The following ASIC2 variants were observed in gnomAD, a reference collection of about 807,000 sequenced individuals.
ASIC2 encodes acid sensing ion channel subunit 2, also known as acid-sensing ion channel 2.
Under a neutral mutation model 57.3 loss-of-function variants are expected in ASIC2, and 25 were observed. The observed-to-expected ratio is 0.44, with a 90% CI of 0.32 to 0.61. The LOEUF (loss-of-function observed/expected upper bound fraction) is 0.61. Among genes scored for constraint, ASIC2 ranks in the 20% least tolerant of loss-of-function variants. The probability of loss-of-function intolerance (pLI) is 0.06; values close to 1 mark genes in which losing one functional copy is unlikely to be tolerated. For synonymous variants in ASIC2, 319 were observed against 307.5 expected (o/e 1.04, Z -0.39); for missense variants, 641 against 738.1 (o/e 0.87, Z 1.52).
chr17:33,094,899 G>A (rs973885939), intron 2 of ASIC2, among the ~76,000 whole-genome samples: 7 of 152,218 alleles, frequency 4.6e-5, no homozygotes, highest in African/African-American at 1.7e-4. Flanking sequence ...GAACCAGAGA[G>A]AGCCTAGACA....
chr17:34,091,300 T>C (rs1306155705), intron 1 of ASIC2, among the ~76,000 whole-genome samples: 1 of 152,204 alleles, frequency 6.6e-6, no homozygotes, highest in Admixed American at 6.5e-5. Context: ...GATAACCACA[T>C]CCAGGAGGGA....
chr17:34,117,090 C>CA (rs1399235492), intron 1 of ASIC2, among the ~76,000 whole-genome samples: 1 of 151,704 alleles, frequency 6.6e-6, no homozygotes, highest in African/African-American at 2.4e-5. Flanking sequence ...AGGTTACTGT[C>CA]AGACTCCACT....
chr17:34,090,719 G>T (rs1910302288), intron 1 of ASIC2, among the ~76,000 whole-genome samples: 1 of 152,144 alleles, frequency 6.6e-6, no homozygotes, highest in Non-Finnish European at 1.5e-5. Context: ...TCAGTAATGG[G>T]CCACTCCCCA....
intron 1 of ASIC2, among the ~76,000 whole-genome samples, chr17:33,179,002 A>G (rs1275155973): frequency 6.6e-6 from 1 of 152,192 alleles, no homozygotes; most frequent in Non-Finnish European, 1.5e-5. Context: ...AGTGCATGAG[A>G]AATGGAAGCT....
At chr17:33,379,477 AGCTCCTGG>A (rs1909400299) in intron 1 of ASIC2, among the ~76,000 whole-genome samples, 1 of 152,182 alleles carries the variant, frequency 6.6e-6, no homozygotes, top group Non-Finnish European at 1.5e-5. Flanking sequence ...TAGGACTCCT[AGCTCCTGG>A]GACCTTTTAA....
intron 1 of ASIC2, among the ~76,000 whole-genome samples, chr17:33,298,499 A>G (rs1044704633): frequency 1.3e-5 from 2 of 152,212 alleles, no homozygotes; most frequent in African/African-American, 4.8e-5. Flanking sequence ...GTCTATCATT[A>G]ATGGACCTTT....
intron 3 of ASIC2, among the ~76,000 whole-genome samples, chr17:33,049,342 A>C: frequency 6.6e-6 from 1 of 152,210 alleles, no homozygotes; most frequent in Non-Finnish European, 1.5e-5. Flanking sequence ...CCTGTCTATA[A>C]GCTGGGAATA....
intron 1 of ASIC2, among the ~76,000 whole-genome samples, chr17:33,917,967 A>C (rs1597929268): frequency 7.1e-6 from 1 of 140,794 alleles, no homozygotes; most frequent in East Asian, 4.0e-4. Context: ...GCATGTGCAC[A>C]CACACACACA....
At chr17:33,627,224 T>C (rs1567673234) in intron 1 of ASIC2, 2 of 152,234 alleles carry the variant, frequency 1.3e-5, no homozygotes, top group African/African-American at 4.8e-5. Flanking sequence ...GATTTCTCTC[T>C]AGAGACACAG....
At chr17:33,278,067 T>C (rs1049067695) in intron 1 of ASIC2, among the ~76,000 whole-genome samples, 3 of 152,160 alleles carry the variant, frequency 2.0e-5, no homozygotes, top group African/African-American at 7.2e-5. Context: ...GAATCCTTTT[T>C]CGGATCCCTG....
intron 1 of ASIC2, among the ~76,000 whole-genome samples, chr17:33,795,330 A>T (rs1421156906): frequency 1.3e-5 from 2 of 152,230 alleles, no homozygotes; most frequent in Non-Finnish European, 2.9e-5. Flanking sequence ...AATCTCCTTC[A>T]ACTCCAGAGT....
intron 1 of ASIC2, among the ~76,000 whole-genome samples, chr17:33,384,822 T>C (rs1278291135): frequency 6.6e-6 from 1 of 152,194 alleles, no homozygotes; most frequent in Admixed American, 6.5e-5. Context: ...TAACTGGTAC[T>C]CACACTCCTT....
At chr17:33,861,199 G>A (rs1444264398) in intron 1 of ASIC2, among the ~76,000 whole-genome samples, 1 of 152,202 alleles carries the variant, frequency 6.6e-6, no homozygotes, top group Non-Finnish European at 1.5e-5. Context: ...CAATAATAAA[G>A]GAGCATATGC....
chr17:33,380,268 A>AAAAAC (rs1909438523), intron 1 of ASIC2, among the ~76,000 whole-genome samples: 1 of 137,840 alleles, frequency 7.3e-6, no homozygotes, highest in Non-Finnish European at 1.6e-5. Context: ...AAAAAAAAAA[A>AAAAAC]GAAAGAAAGA....
chr17:33,646,057 A>C (rs935950064), intron 1 of ASIC2, among the ~76,000 whole-genome samples: 1 of 152,124 alleles, frequency 6.6e-6, no homozygotes, highest in African/African-American at 2.4e-5. Context: ...ATCTCAAAGC[A>C]CTAATTTTTA....
Position 33,123,305 on chromosome 17 carries a change from A to G in ASIC2, c.709-11238T>C, listed in dbSNP as rs150184247. On this transcript the variant is annotated intron_variant, in intron 1 of 9. Coordinates refer to ENST00000225823, the MANE Select transcript of ASIC2 (RefSeq NM_183377.2). The stretch of plus-strand genomic sequence containing the variant: ...ATAGATACGCAATGAAATACTATTC[A>G]GCCTTTAAAAAGAAGGCAGTTCTGT... Among the ~76,000 whole-genome samples, 731 of 152,330 alleles carry G rather than the reference A, an allele frequency of 4.8e-3. 6 individuals carry two copies. Among genetic ancestry groups the G allele is most frequent in the African/African-American group, 0.016 (680 of 41,550 alleles).
intron 1 of ASIC2, among the ~76,000 whole-genome samples, chr17:33,123,810 C>T (rs72819115): frequency 6.6e-6 from 1 of 152,070 alleles, no homozygotes; most frequent in African/African-American, 2.4e-5. Context: ...ACTCCTTGCA[C>T]CTGCCTCATT....
chr17:33,874,835 T>C (rs1914511382), intron 1 of ASIC2, among the ~76,000 whole-genome samples: 1 of 152,196 alleles, frequency 6.6e-6, no homozygotes, highest in African/African-American at 2.4e-5. Flanking sequence ...GATCACCACA[T>C]GCTTTTTGAG....
intron 1 of ASIC2, among the ~76,000 whole-genome samples, chr17:34,154,516 G>A (rs1223560097): frequency 6.6e-6 from 1 of 152,154 alleles, no homozygotes; most frequent in Non-Finnish European, 1.5e-5. Flanking sequence ...ACTGCGAGAG[G>A]CAATGCCCCC....
Sources: allele counts gnomAD v4.1 joint callset (sites outside exome capture counted in the v4.1 genomes callset), GRCh38; gene constraint gnomAD v4.1.1; transcripts MANE v1.5; gene names NCBI Gene and HGNC (gene_info 2026-07-23, HGNC 2026-07-21).